TBC1D12: variants seen among roughly 807,000 people sequenced by gnomAD.
TBC1D12 encodes TBC1 domain family, member 12.
TBC1D12 carries 56 observed loss-of-function variants against 86.7 expected under a neutral mutation model. The observed-to-expected ratio is 0.65, with a 90% CI of 0.52 to 0.81. TBC1D12 has a LOEUF of 0.81. Ranked by LOEUF, TBC1D12 falls within the 30% of genes least tolerant of loss-of-function variation. TBC1D12 has a pLI of 0.00. For missense variants in TBC1D12, 1,023 were observed against 1,038.8 expected, an observed-to-expected ratio of 0.98 and a Z score of 0.21; for synonymous variants, 421 against 411.7, an observed-to-expected ratio of 1.02 and a Z score of -0.27.
At chr10:94,413,460 C>G (rs2054954388) in intron 1 of TBC1D12, among the ~76,000 whole-genome samples, 1 of 152,110 alleles carries the variant, frequency 6.6e-6, no homozygotes, top group Non-Finnish European at 1.5e-5. Context: ...ATTTGTAATT[C>G]TTTTCCGTGC....
chr10:94,466,299 A>G (rs1047395886), intron 2 of TBC1D12, among the ~76,000 whole-genome samples: 1 of 151,650 alleles, frequency 6.6e-6, no homozygotes, highest in African/African-American at 2.4e-5. Context: ...TGTCTTTTTT[A>G]TTTGTCCATA....
At chr10:94,497,777 T>C (rs1376644377) in intron 5 of TBC1D12, among the ~76,000 whole-genome samples, 2 of 150,222 alleles carry the variant, frequency 1.3e-5, no homozygotes, top group East Asian at 2.0e-4. Flanking sequence ...ACTGAAATGC[T>C]AATTGATTTA....
intron 2 of TBC1D12, among the ~76,000 whole-genome samples, chr10:94,442,659 A>T (rs1459615347): frequency 6.6e-6 from 1 of 152,190 alleles, no homozygotes; most frequent in Non-Finnish European, 1.5e-5. Flanking sequence ...AAGCAGTGAG[A>T]CTGGATCAAT....
chr10:94,425,701 A>G (rs1015865726), intron 1 of TBC1D12, among the ~76,000 whole-genome samples: 3 of 152,190 alleles, frequency 2.0e-5, no homozygotes, highest in Non-Finnish European at 2.9e-5. Context: ...TTGGCTTTCC[A>G]TATTGATTTT....
chr10:94,508,883 A>G (rs778134289), intron 7 of TBC1D12: 6 of 151,866 alleles, frequency 4.0e-5, no homozygotes, highest in Non-Finnish European at 7.4e-5. Flanking sequence ...GCTTCTTTGT[A>G]TATCTTAAAT....
At chr10:94,517,648 G>A (rs1013518101) in intron 9 of TBC1D12, among the ~76,000 whole-genome samples, 4 of 152,114 alleles carry the variant, frequency 2.6e-5, no homozygotes, top group African/African-American at 9.7e-5. Flanking sequence ...TGACAAACCA[G>A]TCAGTCAAAT....
At chr10:94,518,339 G>C (rs1842057062) in intron 9 of TBC1D12, among the ~76,000 whole-genome samples, 2 of 151,830 alleles carry the variant, frequency 1.3e-5, no homozygotes, top group African/African-American at 4.8e-5. Context: ...TCAGCCTCCT[G>C]AGTAACTGGG....
At chr10:94,447,893 T>C (rs2055493662) in intron 2 of TBC1D12, among the ~76,000 whole-genome samples, 1 of 150,046 alleles carries the variant, frequency 6.7e-6, no homozygotes, top group Non-Finnish European at 1.5e-5. Context: ...GAATATGCAC[T>C]ATTTATGCAT....
At chr10:94,515,210 A>G (rs977218922) in intron 9 of TBC1D12, among the ~76,000 whole-genome samples, 1 of 150,272 alleles carries the variant, frequency 6.7e-6, no homozygotes, top group Non-Finnish European at 1.5e-5. Context: ...CCCGGCCGCA[A>G]GTTTTTTTTT....
At chr10:94,444,495 C>A (rs1205113871) in intron 2 of TBC1D12, among the ~76,000 whole-genome samples, 1 of 151,974 alleles carries the variant, frequency 6.6e-6, no homozygotes, top group African/African-American at 2.4e-5. Context: ...CCAAGTTCGC[C>A]CTCTAGAGGC....
chr10:94,479,458 C>G (rs1034038240), intron 3 of TBC1D12, among the ~76,000 whole-genome samples: 5 of 151,888 alleles, frequency 3.3e-5, no homozygotes, highest in African/African-American at 1.2e-4. Context: ...CTAGGAAGTA[C>G]TTTTTCTGAA....
chr10:94,462,090 G>A (rs1273212510), intron 2 of TBC1D12, among the ~76,000 whole-genome samples: 1 of 152,098 alleles, frequency 6.6e-6, no homozygotes, highest in Non-Finnish European at 1.5e-5. Context: ...ATTCATGAGG[G>A]ATGTCAGTCT....
chr10:94,446,883 A>G (rs1179432141), intron 2 of TBC1D12, among the ~76,000 whole-genome samples: 3 of 151,938 alleles, frequency 2.0e-5, no homozygotes, highest in Non-Finnish European at 4.4e-5. Flanking sequence ...GGAGTTCCAG[A>G]CTAGCCTGGC....
rs2054785743 is a variant in TBC1D12 at position 94,402,782 on chromosome 10, G to A, written c.169G>A (p.Glu57Lys). ...GCCGGAGGAGGCTGACGAGGAGGAG[G>A]AGGCTGACGAGGAGGAGGAGACGCC... The part of the protein sequence containing the change: ...EPPEEADEEE[E>K]ADEEEETPPR... Residue 57 changes from glutamate to lysine, a missense_variant, in exon 1 of 13, where the codon GAG (glutamate) becomes AAG (lysine). Physicochemically the swap from Glu to Lys is moderately conservative, Grantham distance 56. Transcript: ENST00000225235. 1 of 1,546,290 alleles carries A rather than the reference G, an allele frequency of 6.5e-7. No homozygotes were observed. The highest frequency in any genetic ancestry group is 1.4e-5 in the African/African-American group (1 of 72,732).
At chr10:94,430,786 A>C (rs1249957915) in intron 1 of TBC1D12, among the ~76,000 whole-genome samples, 1 of 152,158 alleles carries the variant, frequency 6.6e-6, no homozygotes, top group Admixed American at 6.5e-5. Flanking sequence ...TCTAATCCCC[A>C]CATTAGCCTT....
intron 12 of TBC1D12, among the ~76,000 whole-genome samples, chr10:94,531,862 A>ATGTTATTTTTATATGTTATGT (rs760350753): frequency 1.2e-5 from 1 of 83,284 alleles, no homozygotes; most frequent in Non-Finnish European, 2.5e-5. Context: ...ATTTTATTTT[A>ATGTTATTTTTATATGTTATGT]TATGTTATGT....
chr10:94,507,381 A>G (rs369756681), intron 7 of TBC1D12, 34 bp downstream of exon 7: 3 of 1,546,336 alleles, frequency 1.9e-6, no homozygotes, highest in Non-Finnish European at 2.6e-6. Flanking sequence ...GAATTTTAGG[A>G]TGAAAATTCA....
At position 94,402,743 on chromosome 10, in the gene TBC1D12, G is replaced by C. The variant is rs1221486962; in HGVS notation, c.130G>C (p.Gly44Arg). 6.4e-7 allele frequency: 1 copy of C among 1,557,138 alleles called. No homozygotes were observed. Among genetic ancestry groups the C allele is most frequent in the Non-Finnish European group, 8.7e-7 (1 of 1,150,554 alleles). ...RATGGFGGGV[G>R]AVEPPEEADE... is the part of the protein sequence containing the mutation. ...CACGGGCGGCTTTGGCGGAGGCGTC[G>C]GCGCTGTGGAGCCGCCGGAGGAGGC... Residue 44 changes from glycine to arginine, a missense_variant, in exon 1 of 13, where the codon GGC (glycine) becomes CGC (arginine). Transcript: ENST00000225235.
intron 1 of TBC1D12, among the ~76,000 whole-genome samples, chr10:94,415,794 A>G (rs182052147): frequency 4.9e-4 from 74 of 152,338 alleles, no homozygotes; most frequent in African/African-American, 1.7e-3. Flanking sequence ...ATATAAGGTA[A>G]CTAGCACACT....
Sources: gnomAD v4.1 joint callset for allele counts (sites outside exome capture counted in the v4.1 genomes callset) on GRCh38, gnomAD v4.1.1 for gene constraint, MANE v1.5 for transcripts, NCBI Gene and HGNC (gene_info 2026-07-23, HGNC 2026-07-21) for gene names.